The following MMP16 variants were observed in gnomAD, a reference collection of about 807,000 sequenced individuals.
The protein encoded by MMP16 is matrix metallopeptidase 16.
Under a neutral mutation model 67.8 loss-of-function variants are expected in MMP16, and 12 were observed. That is an observed-to-expected ratio of 0.18 (90% CI 0.11 to 0.29). MMP16 has a LOEUF of 0.29. Ranked by LOEUF, MMP16 falls within the 10% of genes least tolerant of loss-of-function variation. The probability of loss-of-function intolerance (pLI) is 1.00; values close to 1 mark genes in which losing one functional copy is unlikely to be tolerated. For synonymous variants in MMP16, 249 were observed against 255.9 expected (o/e 0.97, Z 0.26); for missense variants, 475 against 765.7 (o/e 0.62, Z 4.48).
At chr8:88,235,594 A>G (rs1426240865) in intron 1 of MMP16, among the ~76,000 whole-genome samples, 1 of 152,104 alleles carries the variant, frequency 6.6e-6, no homozygotes, top group African/African-American at 2.4e-5. Flanking sequence ...TAATAATCCT[A>G]CTAGGAAAAC....
At chr8:88,237,898 A>G (rs940928619) in intron 1 of MMP16, among the ~76,000 whole-genome samples, 3 of 152,196 alleles carry the variant, frequency 2.0e-5, no homozygotes, top group Non-Finnish European at 2.9e-5. Flanking sequence ...ATGAGTCACT[A>G]TAAGTACTAT....
At chr8:88,205,955 T>C (rs1311217387) in intron 1 of MMP16, among the ~76,000 whole-genome samples, 2 of 152,100 alleles carry the variant, frequency 1.3e-5, no homozygotes, top group Non-Finnish European at 2.9e-5. Context: ...CAATCCATCA[T>C]CAGGTTTTAG....
At chr8:88,315,200 C>T (rs911218101) in intron 1 of MMP16, among the ~76,000 whole-genome samples, 1 of 152,158 alleles carries the variant, frequency 6.6e-6, no homozygotes, top group African/African-American at 2.4e-5. Flanking sequence ...TTTGTGACAA[C>T]CCTCCATCAA....
intron 1 of MMP16, among the ~76,000 whole-genome samples, chr8:88,236,078 G>T (rs1357987624): frequency 6.6e-6 from 1 of 152,190 alleles, no homozygotes; most frequent in Non-Finnish European, 1.5e-5. Context: ...TCTTAAAAGT[G>T]ATGATTTATT....
At position 88,079,393 on chromosome 8, in the gene MMP16, A is replaced by G. The variant is rs143445895; in HGVS notation, c.1084-4650T>C. On this transcript the variant is annotated intron_variant, in intron 6 of 9. Transcript: ENST00000286614. The stretch of plus-strand genomic sequence containing the variant: ...GTTAATCTCGTACTGTGCCTACTTT[A>G]TAAGTTAAACTTTATCATAGGTTTG... Among the ~76,000 whole-genome samples the G allele has an allele frequency of 7.5e-3, 1,137 of 152,272 alleles. 12 individuals are homozygous for G. Among genetic ancestry groups the G allele is most frequent in the South Asian group, 0.019 (94 of 4,822 alleles).
chr8:88,291,777 G>T (rs74325696), intron 1 of MMP16, among the ~76,000 whole-genome samples: 4,969 of 152,136 alleles, frequency 0.033, 248 homozygotes, highest in African/African-American at 0.1. Context: ...AGGGTAAATC[G>T]ATTTAAAACA....
intron 1 of MMP16, among the ~76,000 whole-genome samples, chr8:88,307,070 T>G (rs1276176839): frequency 6.6e-6 from 1 of 152,188 alleles, no homozygotes; most frequent in Non-Finnish European, 1.5e-5. Flanking sequence ...ATAAGCAACT[T>G]CAGCAAAGTC....
rs546077496 is a variant in MMP16 at position 88,159,727 on chromosome 8, C to T, written c.709+7942G>A. On this transcript the variant is annotated intron_variant, in intron 4 of 9. Transcript: ENST00000286614. ...CTTGTGCCAGTTTTCAAAGGGAATTCTTCTAGTTTTTGCCCATTCAGTATG... is the reference window on the plus strand; with the variant it reads ...CTTGTGCCAGTTTTCAAAGGGAATTTTTCTAGTTTTTGCCCATTCAGTATG... Among the ~76,000 whole-genome samples, 9 of 152,176 alleles carry T rather than the reference C, an allele frequency of 5.9e-5. No homozygotes were observed. The East Asian group carries it at 1.7e-3, about 30-fold the overall frequency.
intron 1 of MMP16, among the ~76,000 whole-genome samples, chr8:88,316,181 G>A (rs961275630): frequency 3.9e-5 from 6 of 152,184 alleles, no homozygotes; most frequent in Non-Finnish European, 7.4e-5. Flanking sequence ...AGATGAAGTA[G>A]CAGTGCTGAT....
At chr8:88,314,266 T>A (rs1343459751) in intron 1 of MMP16, among the ~76,000 whole-genome samples, 1 of 152,198 alleles carries the variant, frequency 6.6e-6, no homozygotes, top group Non-Finnish European at 1.5e-5. Context: ...ATATGTCAAC[T>A]TTTGGACATA....
chr8:88,198,090 A>G (rs1250013201), intron 1 of MMP16, among the ~76,000 whole-genome samples: 1 of 152,188 alleles, frequency 6.6e-6, no homozygotes, highest in East Asian at 1.9e-4. Flanking sequence ...TTGAATTCAC[A>G]TTCTAATTGT....
At chr8:88,305,760 C>G (rs1223885946) in intron 1 of MMP16, among the ~76,000 whole-genome samples, 1 of 152,086 alleles carries the variant, frequency 6.6e-6, no homozygotes, top group Non-Finnish European at 1.5e-5. Flanking sequence ...AGACAATGTA[C>G]CAGAATCTCT....
At chr8:88,080,100 A>G (rs1027736550) in intron 6 of MMP16, among the ~76,000 whole-genome samples, 4 of 152,154 alleles carry the variant, frequency 2.6e-5, no homozygotes, top group Non-Finnish European at 5.9e-5. Context: ...CACCTACTCC[A>G]CTGTATGATA....
chr8:88,272,048 A>G (rs1810572265), intron 1 of MMP16, among the ~76,000 whole-genome samples: 1 of 152,230 alleles, frequency 6.6e-6, no homozygotes. Flanking sequence ...ATTAAATGGG[A>G]CAATATATAA....
chr8:88,234,316 G>T (rs1166337904), intron 1 of MMP16, among the ~76,000 whole-genome samples: 1 of 152,290 alleles, frequency 6.6e-6, no homozygotes, highest in South Asian at 2.1e-4. Flanking sequence ...GTATGCCACA[G>T]AACTAAAATG....
intron 1 of MMP16, among the ~76,000 whole-genome samples, chr8:88,241,866 T>C (rs1281781345): frequency 6.6e-6 from 1 of 152,176 alleles, no homozygotes. Flanking sequence ...TCCTCTCGTC[T>C]AGCTCTTTGA....
At chr8:88,059,622 T>C (rs1808372288) in intron 7 of MMP16, among the ~76,000 whole-genome samples, 1 of 152,124 alleles carries the variant, frequency 6.6e-6, no homozygotes, top group Non-Finnish European at 1.5e-5. Flanking sequence ...CTCTCACTTA[T>C]AACTGTCCTT....
chr8:88,319,981 T>C (rs143711482), intron 1 of MMP16, among the ~76,000 whole-genome samples: 87 of 152,302 alleles, frequency 5.7e-4, no homozygotes, highest in Middle Eastern at 3.4e-3. Flanking sequence ...AACTTAGTGA[T>C]GCTTATGAGA....
intron 4 of MMP16, among the ~76,000 whole-genome samples, chr8:88,121,648 GAGAAATC>G (rs1347108686): frequency 1.3e-5 from 2 of 151,932 alleles, no homozygotes; most frequent in Non-Finnish European, 2.9e-5. Flanking sequence ...GGCAACAAAG[GAGAAATC>G]AGTCTCTTGG....
Sources: allele counts gnomAD v4.1 joint callset (sites outside exome capture counted in the v4.1 genomes callset), GRCh38; gene constraint gnomAD v4.1.1; transcripts MANE v1.5; gene names NCBI Gene and HGNC (gene_info 2026-07-23, HGNC 2026-07-21).